CNTN4: variants seen among roughly 807,000 people sequenced by gnomAD.
CNTN4 encodes the protein contactin-4.
CNTN4 carries 77 observed loss-of-function variants against 122.5 expected under a neutral mutation model. That is an observed-to-expected ratio of 0.63 (90% CI 0.52 to 0.76). CNTN4 has a LOEUF of 0.76. Ranked by LOEUF, CNTN4 falls within the 30% of genes least tolerant of loss-of-function variation. CNTN4 has a pLI of 0.00. For missense variants in CNTN4, 1,256 were observed against 1,259.1 expected, an observed-to-expected ratio of 1.00 and a Z score of 0.04; for synonymous variants, 512 against 447.0, an observed-to-expected ratio of 1.15 and a Z score of -1.83.
rs897820622 is a variant in CNTN4 at position 2,963,266 on chromosome 3, C to T, written c.1359-25079C>T. On this transcript the variant is annotated intron_variant, in intron 13 of 24. Coordinates refer to ENST00000418658, the MANE Select transcript of CNTN4 (RefSeq NM_175607.3). ...TAACACTTCCTTTTCCTTCAGACCT[C>T]GCTCGTATTACCTCTTACTGAGACT... Among the ~76,000 whole-genome samples the T allele has an allele frequency of 4.6e-5, 7 of 152,108 alleles. No individual in the cohort carries two copies. The South Asian group carries it at 6.2e-4, about 14-fold the overall frequency.
chr3:2,299,294 A>G (rs1370104700), intron 2 of CNTN4, among the ~76,000 whole-genome samples: 1 of 152,172 alleles, frequency 6.6e-6, no homozygotes, highest in Non-Finnish European at 1.5e-5. Flanking sequence ...TATTAAATGA[A>G]TCTTTTATTT....
chr3:2,418,432 T>C (rs992428597), intron 3 of CNTN4, among the ~76,000 whole-genome samples: 1 of 152,156 alleles, frequency 6.6e-6, no homozygotes, highest in Non-Finnish European at 1.5e-5. Context: ...GTAAAACTGC[T>C]CACAGCCCAG....
At chr3:2,317,285 G>T (rs2043138429) in intron 2 of CNTN4, among the ~76,000 whole-genome samples, 1 of 152,134 alleles carries the variant, frequency 6.6e-6, no homozygotes, top group Non-Finnish European at 1.5e-5. Flanking sequence ...TGATGGAGTT[G>T]GGGTTTCATT....
chr3:2,184,898 A>G (rs1477238821), intron 2 of CNTN4, among the ~76,000 whole-genome samples: 1 of 152,230 alleles, frequency 6.6e-6, no homozygotes, highest in Non-Finnish European at 1.5e-5. Flanking sequence ...GGACAAAGAT[A>G]CTGGCCCTTC....
In CNTN4 at chr3:2,834,898, CTT is replaced by C. The variant is rs71058653; in HGVS notation, c.454+15340_454+15341del. 1.3e-3 allele frequency among the ~76,000 whole-genome samples: 79 copies of C among 60,454 alleles called. No homozygotes were observed. The East Asian group carries it at 0.04, about 31-fold the overall frequency. 39.7% of individuals were successfully genotyped at this position (60,454 alleles called of 152,430 possible). ...AAGCATTAAATTAGATAAAGGCAAC[CTT>C]TTTTTTTTTTTTTTTTTTTTTTGAG... is the stretch of plus-strand genomic sequence containing the variant. On this transcript the variant is annotated intron_variant, in intron 7 of 24. Transcript: ENST00000418658.
chr3:2,486,379 A>G (rs1029812149), intron 3 of CNTN4, among the ~76,000 whole-genome samples: 1 of 152,218 alleles, frequency 6.6e-6, no homozygotes, highest in Non-Finnish European at 1.5e-5. Flanking sequence ...TCTTATGTTT[A>G]GCTGAATCAA....
chr3:3,042,249 A>G (rs964054101), intron 20 of CNTN4, 61 bp from the exon 21 acceptor site: 3 of 1,154,366 alleles, frequency 2.6e-6, no homozygotes, highest in African/African-American at 3.0e-5. Flanking sequence ...TAATGCTAGT[A>G]TCTACAATCC....
chr3:2,884,166 T>C (rs1446242956), intron 9 of CNTN4, among the ~76,000 whole-genome samples: 5 of 152,092 alleles, frequency 3.3e-5, no homozygotes, highest in African/African-American at 1.2e-4. Context: ...CTTGGACTCC[T>C]GGCCTCAACT....
At chr3:2,584,543 A>C (rs2080091712) in intron 4 of CNTN4, among the ~76,000 whole-genome samples, 2 of 151,952 alleles carry the variant, frequency 1.3e-5, no homozygotes, top group African/African-American at 4.8e-5. Flanking sequence ...ATCTCTACTA[A>C]AAATACAAAA....
chr3:2,706,667 C>T (rs1364187962), intron 4 of CNTN4, among the ~76,000 whole-genome samples: 1 of 152,110 alleles, frequency 6.6e-6, no homozygotes, highest in Non-Finnish European at 1.5e-5. Flanking sequence ...TAGCAAAATA[C>T]TGCTTAATCT....
At chr3:2,607,386 C>A (rs1471482760) in intron 4 of CNTN4, among the ~76,000 whole-genome samples, 1 of 151,930 alleles carries the variant, frequency 6.6e-6, no homozygotes. Context: ...TAGAAGCAAC[C>A]TAACTGTCCA....
intron 2 of CNTN4, among the ~76,000 whole-genome samples, chr3:2,276,232 G>A (rs1242736830): frequency 1.3e-5 from 2 of 151,770 alleles, no homozygotes; most frequent in Non-Finnish European, 2.9e-5. Flanking sequence ...GAGTACAGTG[G>A]CACCATCTTG....
intron 2 of CNTN4, among the ~76,000 whole-genome samples, chr3:2,209,771 T>C (rs2038525843): frequency 6.6e-6 from 1 of 152,062 alleles, no homozygotes; most frequent in Non-Finnish European, 1.5e-5. Context: ...TGGGGAAAAT[T>C]TTAAGAATCA....
At chr3:2,821,237 A>G (rs959055658) in intron 7 of CNTN4, among the ~76,000 whole-genome samples, 5 of 152,114 alleles carry the variant, frequency 3.3e-5, no homozygotes, top group East Asian at 1.9e-4. Context: ...GATTACAGGC[A>G]TGAGTCACTG....
At chr3:2,806,374 A>C (rs1027040679) in intron 6 of CNTN4, among the ~76,000 whole-genome samples, 1 of 152,172 alleles carries the variant, frequency 6.6e-6, no homozygotes. Flanking sequence ...TCCTCACAAC[A>C]TCTTCCACAC....
chr3:2,317,424 T>C (rs765611033), intron 2 of CNTN4, among the ~76,000 whole-genome samples: 33 of 152,194 alleles, frequency 2.2e-4, no homozygotes, highest in Non-Finnish European at 4.0e-4. Flanking sequence ...ATAGCTACTT[T>C]TCAACTCCTG....
intron 3 of CNTN4, among the ~76,000 whole-genome samples, chr3:2,413,517 A>G (rs914957350): frequency 6.6e-6 from 1 of 151,992 alleles, no homozygotes; most frequent in Admixed American, 6.6e-5. Context: ...GTATTTTTCT[A>G]TTCTGAAAAT....
At chr3:2,274,900 T>C (rs1003807991) in intron 2 of CNTN4, among the ~76,000 whole-genome samples, 5 of 152,166 alleles carry the variant, frequency 3.3e-5, no homozygotes, top group African/African-American at 1.2e-4. Context: ...ATATCCTGAG[T>C]ACTGATGATC....
intron 13 of CNTN4, among the ~76,000 whole-genome samples, chr3:2,928,026 G>T (rs2094489197): frequency 6.6e-6 from 1 of 152,152 alleles, no homozygotes; most frequent in South Asian, 2.1e-4. Flanking sequence ...AGTATATAGG[G>T]GAATGCTGGG....
Sources: allele counts gnomAD v4.1 joint callset (sites outside exome capture counted in the v4.1 genomes callset), GRCh38; gene constraint gnomAD v4.1.1; transcripts MANE v1.5; gene names NCBI Gene and HGNC (gene_info 2026-07-23, HGNC 2026-07-21).